TCERG1: variants seen among roughly 807,000 people sequenced by gnomAD.
The protein encoded by TCERG1 is transcription elongation regulator 1.
TCERG1 carries 37 observed loss-of-function variants against 144.7 expected under a neutral mutation model. That is an observed-to-expected ratio of 0.26 (90% confidence interval 0.20 to 0.34). TCERG1 has a LOEUF of 0.34. Among genes scored for constraint, TCERG1 ranks in the 10% least tolerant of loss-of-function variants. TCERG1 has a pLI of 1.00. For missense variants in TCERG1, 1,027 were observed against 1,380.7 expected (o/e 0.74, Z 4.06); for synonymous variants, 492 against 458.2 (o/e 1.07, Z -0.94).
intron 15 of TCERG1, 76 bp from the exon 16 acceptor site, chr5:146,492,844 A>T (rs1182439554): frequency 5.9e-6 from 6 of 1,009,984 alleles, no homozygotes; most frequent in Non-Finnish European, 9.1e-6. Context: ...TTGGACAAAG[A>T]CATTGTCCAA....
intron 8 of TCERG1, 118 bp from the exon 9 acceptor site, chr5:146,471,370 C>T: frequency 1.1e-6 from 1 of 869,734 alleles, no homozygotes; most frequent in Admixed American, 2.8e-5. Context: ...AGAGTCTCCT[C>T]TTATTCTAGC....
intron 4 of TCERG1, among the ~76,000 whole-genome samples, chr5:146,460,615 A>C (rs1763257021): frequency 2.0e-5 from 3 of 152,254 alleles, no homozygotes; most frequent in Middle Eastern, 6.8e-3. Flanking sequence ...ATAAGAGAGA[A>C]ATTAATTCAC....
chr5:146,447,375 GC>G lies in TCERG1; in HGVS notation c.27del (p.Glu10ArgfsTer18). 1 of 1,611,848 alleles carries G rather than the reference GC, an allele frequency of 6.2e-7. No individual in the cohort carries two copies. Among genetic ancestry groups the G allele is most frequent in the Non-Finnish European group, 8.5e-7 (1 of 1,179,198 alleles). MAERGGDG[G>X]ESERFNPGEL... ...ATGGCGGAGCGTGGCGGGGACGGGGGCGAGAGTGAACGATTCAACCCGGGGG... is the reference window on the plus strand; with the variant it reads ...ATGGCGGAGCGTGGCGGGGACGGGGGGAGAGTGAACGATTCAACCCGGGGG... On this transcript the variant is annotated frameshift_variant, in exon 1 of 23. Transcript: ENST00000679501. LOFTEE classifies it high-confidence loss of function.
intron 5 of TCERG1, among the ~76,000 whole-genome samples, chr5:146,464,903 C>T (rs1228205323): frequency 6.6e-6 from 1 of 151,914 alleles, no homozygotes; most frequent in Non-Finnish European, 1.5e-5. Context: ...GAAAAGGACA[C>T]CTTCAGATAT....
chr5:146,503,348 CATCCCACTACCTGTTTTAAA>C lies in TCERG1; in HGVS notation c.2434-24_2434-5del. 1.3e-6 allele frequency: 2 copies of C among 1,597,276 alleles called. No homozygotes were observed. Among genetic ancestry groups the C allele is most frequent in the Non-Finnish European group, 1.7e-6 (2 of 1,169,400 alleles). On this transcript the variant is annotated splice_region_variant and splice_polypyrimidine_tract_variant and intron_variant, in intron 17 of 22. Coordinates refer to ENST00000679501, the MANE Select transcript of TCERG1 (RefSeq NM_001382548.1). ...TCTCATGGTACATTATTTTCCCTCC[CATCCCACTACCTGTTTTAAA>C]ATACAGATTAAATCGGATTTCTTTG...
intron 13 of TCERG1, 64 bp downstream of exon 13, chr5:146,481,264 A>G (rs1489943725): frequency 6.3e-6 from 5 of 792,672 alleles, no homozygotes; most frequent in Non-Finnish European, 6.1e-6. Context: ...ATTGAGATAG[A>G]TAGTGATAGT....
At chr5:146,480,211 C>T (rs912478460) in intron 12 of TCERG1, 117 bp downstream of exon 12, 4 of 654,046 alleles carry the variant, frequency 6.1e-6, no homozygotes, top group Non-Finnish European at 1.0e-5. Context: ...CATGATTGCT[C>T]TCTTAGGCCT....
chr5:146,490,243 AT>A (rs1766266733), intron 15 of TCERG1, among the ~76,000 whole-genome samples: 1 of 152,122 alleles, frequency 6.6e-6, no homozygotes, highest in Non-Finnish European at 1.5e-5. Flanking sequence ...TCTGTGGAGG[AT>A]ATGTTCCAAG....
intron 17 of TCERG1, 175 bp from the exon 18 acceptor site, chr5:146,503,200 A>G (rs990047032): frequency 2.1e-6 from 1 of 484,864 alleles, no homozygotes; most frequent in African/African-American, 1.9e-5. Context: ...TTCTAGTAAA[A>G]GAACACTTCT....
At chr5:146,450,275 G>T (rs929565782) in intron 1 of TCERG1, among the ~76,000 whole-genome samples, 2 of 152,180 alleles carry the variant, frequency 1.3e-5, no homozygotes, top group Admixed American at 1.3e-4. Context: ...GGTGACATTT[G>T]AACTAGAGGC....
At chr5:146,490,517 G>A (rs10066923) in intron 15 of TCERG1, among the ~76,000 whole-genome samples, 21,154 of 152,100 alleles carry the variant, frequency 0.14, 2,486 homozygotes, top group East Asian at 0.71. Flanking sequence ...TCTAGTGTTC[G>A]TTGTTTTTGA....
At chr5:146,468,216 A>G in intron 5 of TCERG1, 125 bp from the exon 6 acceptor site, 1 of 745,434 alleles carries the variant, frequency 1.3e-6, no homozygotes, top group Non-Finnish European at 2.0e-6. Flanking sequence ...ATTTTACTCC[A>G]TTCTTGGTCT....
intron 6 of TCERG1, among the ~76,000 whole-genome samples, chr5:146,469,233 A>G (rs79372970): frequency 1.3e-5 from 2 of 152,182 alleles, no homozygotes; most frequent in African/African-American, 4.8e-5. Context: ...ATTTCTATTC[A>G]TAAGTAGAGA....
At chr5:146,487,211 T>C (rs558485088) in intron 15 of TCERG1, among the ~76,000 whole-genome samples, 32 of 152,182 alleles carry the variant, frequency 2.1e-4, no homozygotes, top group African/African-American at 7.0e-4. Flanking sequence ...CCATTTACAA[T>C]AGTGCCAAAT....
chr5:146,460,082 CTT>C (rs1421377637), intron 4 of TCERG1, among the ~76,000 whole-genome samples: 1 of 151,988 alleles, frequency 6.6e-6, no homozygotes, highest in African/African-American at 2.4e-5. Context: ...TCAGTAATCT[CTT>C]TTAGAATAGT....
At chr5:146,506,893 C>T in intron 19 of TCERG1, 135 bp from the exon 20 acceptor site, 1 of 615,248 alleles carries the variant, frequency 1.6e-6, no homozygotes, top group East Asian at 3.0e-5. Context: ...TTTCTTTATC[C>T]ATGTATCTGT....
intron 9 of TCERG1, among the ~76,000 whole-genome samples, chr5:146,472,752 C>T (rs10066818): frequency 0.18 from 27,133 of 148,344 alleles, 3,699 homozygotes; most frequent in East Asian, 0.79. Flanking sequence ...CTTGCTCTGT[C>T]GCCCAGGCTG....
chr5:146,487,387 C>G (rs904907688), intron 15 of TCERG1, among the ~76,000 whole-genome samples: 1 of 152,126 alleles, frequency 6.6e-6, no homozygotes, highest in Non-Finnish European at 1.5e-5. Context: ...CTCTCCAAAG[C>G]AATCTACAGA....
At chr5:146,458,701 ACTC>A (rs955737794) in intron 3 of TCERG1, among the ~76,000 whole-genome samples, 180 bp from the exon 4 acceptor site, 14 of 148,004 alleles carry the variant, frequency 9.5e-5, no homozygotes, top group African/African-American at 3.5e-4. Flanking sequence ...TTGGTCTTGA[ACTC>A]CTGACTTTAA....
Sources: allele counts gnomAD v4.1 joint callset (sites outside exome capture counted in the v4.1 genomes callset), GRCh38; gene constraint gnomAD v4.1.1; transcripts MANE v1.5; gene names NCBI Gene and HGNC (gene_info 2026-07-23, HGNC 2026-07-21).